Variants in FSTL4 observed in about 807,000 individuals in gnomAD.
The protein encoded by FSTL4 is follistatin like 4, also known as follistatin-related protein 4.
A neutral mutation model predicts 78.2 loss-of-function variants in FSTL4; 28 were observed. That is an observed-to-expected ratio of 0.36 (90% CI 0.27 to 0.49). The LOEUF (loss-of-function observed/expected upper bound fraction) is 0.49. FSTL4 is among the 20% of genes least tolerant of loss of function. The pLI, the probability that FSTL4 is intolerant of heterozygous loss-of-function variation, is 0.98. For synonymous variants in FSTL4, 422 were observed against 440.5 expected (o/e 0.96, Z 0.53); for missense variants, 922 against 1,084.9 (o/e 0.85, Z 2.11).
chr5:133,303,320 T>C (rs763844255), intron 6 of FSTL4, among the ~76,000 whole-genome samples: 7 of 152,330 alleles, frequency 4.6e-5, no homozygotes, highest in Non-Finnish European at 7.3e-5. Context: ...GTATTGCTGA[T>C]GCTGAGAAAA....
the FSTL4 span, among the ~76,000 whole-genome samples, chr5:133,734,958 G>A: frequency 6.6e-6 from 1 of 152,180 alleles, no homozygotes; most frequent in Non-Finnish European, 1.5e-5. Flanking sequence ...ACAGCGGGCT[G>A]TGCAATGCAG....
the FSTL4 span, among the ~76,000 whole-genome samples, chr5:133,809,365 CAAAA>C: frequency 1.4e-4 from 10 of 72,342 alleles, no homozygotes; most frequent in African/African-American, 3.6e-4. Context: ...GACACTGTCT[CAAAA>C]AAAAAAAAAA....
At chr5:133,613,329 G>T (rs894097360), upstream of FSTL4, among the ~76,000 whole-genome samples, 3 of 152,200 alleles carry the variant, frequency 2.0e-5, no homozygotes, top group African/African-American at 7.2e-5. Flanking sequence ...CCCTACCCAG[G>T]CCAGGCTGAT....
chr5:133,473,074 C>T (rs1490286066), intron 3 of FSTL4, among the ~76,000 whole-genome samples: 1 of 152,220 alleles, frequency 6.6e-6, no homozygotes, highest in Non-Finnish European at 1.5e-5. Context: ...GACACGCCTT[C>T]CCCTCCCTGT....
At chr5:133,376,058 C>T (rs1302766982) in intron 4 of FSTL4, among the ~76,000 whole-genome samples, 2 of 152,170 alleles carry the variant, frequency 1.3e-5, no homozygotes, top group African/African-American at 2.4e-5. Flanking sequence ...TGTATACACA[C>T]GTGTGCACTT....
intron 4 of FSTL4, among the ~76,000 whole-genome samples, chr5:133,349,216 T>C (rs1754764251): frequency 6.6e-6 from 1 of 152,032 alleles, no homozygotes; most frequent in Non-Finnish European, 1.5e-5. Context: ...TGGGTAGTCC[T>C]GGGGGAAGAA....
At chr5:133,335,144 T>C (rs1754435351) in intron 4 of FSTL4, among the ~76,000 whole-genome samples, 1 of 152,200 alleles carries the variant, frequency 6.6e-6, no homozygotes, top group South Asian at 2.1e-4. Context: ...CCGTGGCTCC[T>C]GGCTCAGAGG....
chr5:133,206,207 T>C (rs1750496774), intron 14 of FSTL4, among the ~76,000 whole-genome samples: 1 of 152,170 alleles, frequency 6.6e-6, no homozygotes, highest in Non-Finnish European at 1.5e-5. Context: ...CATTTTTCTA[T>C]GGTAGATTTT....
chr5:133,395,272 G>C (rs574600365), intron 4 of FSTL4, among the ~76,000 whole-genome samples: 1 of 152,172 alleles, frequency 6.6e-6, no homozygotes, highest in East Asian at 1.9e-4. Context: ...TAGGTCTGCA[G>C]CTTCACTTCT....
chr5:133,687,999 C>T, the FSTL4 span, among the ~76,000 whole-genome samples: 1 of 152,222 alleles, frequency 6.6e-6, no homozygotes, highest in African/African-American at 2.4e-5. Flanking sequence ...AGAAGGCAGA[C>T]CCTTTAAAGG....
At chr5:133,213,732 AG>A (rs1750817714) in intron 13 of FSTL4, among the ~76,000 whole-genome samples, 1 of 152,234 alleles carries the variant, frequency 6.6e-6, no homozygotes, top group Non-Finnish European at 1.5e-5. Context: ...AAATAACAAA[AG>A]TAACATAGTA....
intron 3 of FSTL4, among the ~76,000 whole-genome samples, chr5:133,403,814 G>A (rs1756293475): frequency 6.6e-6 from 1 of 152,226 alleles, no homozygotes; most frequent in Non-Finnish European, 1.5e-5. Context: ...ACCAAAGCCA[G>A]TTCATGGGGG....
At chr5:133,589,854 C>T (rs1271980278) in intron 2 of FSTL4, among the ~76,000 whole-genome samples, 1 of 152,188 alleles carries the variant, frequency 6.6e-6, no homozygotes, top group Non-Finnish European at 1.5e-5. Flanking sequence ...GATGCAAACC[C>T]TGGCTCCACC....
chr5:133,652,953 C>CA, the FSTL4 span, among the ~76,000 whole-genome samples: 1 of 152,188 alleles, frequency 6.6e-6, no homozygotes, highest in Non-Finnish European at 1.5e-5. Context: ...AAATTATCCA[C>CA]AGACTGAGAT....
At chr5:133,686,825 T>G in the FSTL4 span, among the ~76,000 whole-genome samples, 3 of 152,238 alleles carry the variant, frequency 2.0e-5, no homozygotes, top group Admixed American at 2.0e-4. Context: ...CAACCCAGGC[T>G]GCCAGAGGGG....
chr5:133,234,382 A>G (rs950663849), intron 7 of FSTL4, among the ~76,000 whole-genome samples: 1 of 152,190 alleles, frequency 6.6e-6, no homozygotes, highest in African/African-American at 2.4e-5. Context: ...TTACTGGGCC[A>G]GTGCACAGAG....
At chr5:133,551,206 G>C (rs1383290930) in intron 3 of FSTL4, among the ~76,000 whole-genome samples, 1 of 152,148 alleles carries the variant, frequency 6.6e-6, no homozygotes, top group African/African-American at 2.4e-5. Context: ...TTGTTTGCCT[G>C]GGTCTTGCCT....
At chr5:133,675,851 G>A in the FSTL4 span, among the ~76,000 whole-genome samples, 2 of 152,212 alleles carry the variant, frequency 1.3e-5, no homozygotes, top group Non-Finnish European at 2.9e-5. Flanking sequence ...GCAGGAAGGA[G>A]TCACCATCAC....
chr5:133,617,532 G>C (rs1761221892), upstream of FSTL4, among the ~76,000 whole-genome samples: 1 of 152,114 alleles, frequency 6.6e-6, no homozygotes, highest in Non-Finnish European at 1.5e-5. Context: ...TGTTTCCCTG[G>C]ATGGTCTCTA....
Sources: allele counts gnomAD v4.1 joint callset (sites outside exome capture counted in the v4.1 genomes callset), GRCh38; gene constraint gnomAD v4.1.1; transcripts MANE v1.5; gene names NCBI Gene and HGNC (gene_info 2026-07-23, HGNC 2026-07-21).